LGSN: variants seen among roughly 807,000 people sequenced by gnomAD.
The protein encoded by LGSN is lengsin, lens protein with glutamine synthetase domain.
In LGSN, 21 loss-of-function variants were observed where a neutral mutation model predicts 19.5. That is an observed-to-expected ratio of 1.07 (90% CI 0.76 to 1.55). The LOEUF (loss-of-function observed/expected upper bound fraction) is 1.55, where lower values mean the gene tolerates loss of function less well. LGSN is among the 40% of genes most tolerant of loss of function. The pLI is 0.00. For synonymous variants in LGSN, 257 were observed against 215.6 expected, an observed-to-expected ratio of 1.19 and a Z score of -1.68; for missense variants, 673 against 608.5, an observed-to-expected ratio of 1.11 and a Z score of -1.12.
chr6:63,497,346 C>A, the LGSN span, among the ~76,000 whole-genome samples: 2 of 151,946 alleles, frequency 1.3e-5, no homozygotes, highest in African/African-American at 4.8e-5. Flanking sequence ...GCCAGGAGTT[C>A]GAGACCAGCC....
At chr6:63,316,260 T>A (rs1223616623) in intron 1 of LGSN, among the ~76,000 whole-genome samples, 2 of 152,148 alleles carry the variant, frequency 1.3e-5, no homozygotes, top group Non-Finnish European at 1.5e-5. Context: ...GAGAGCTCTG[T>A]GTGAAAGAAG....
the LGSN span, among the ~76,000 whole-genome samples, chr6:63,421,047 A>G: frequency 2.3e-5 from 1 of 44,076 alleles, no homozygotes; most frequent in South Asian, 9.2e-4. Context: ...TGAGTCAGGT[A>G]AAAAAAATGA....
chr6:63,430,091 G>T, the LGSN span, among the ~76,000 whole-genome samples: 1 of 152,288 alleles, frequency 6.6e-6, no homozygotes. Context: ...CTTCTGGTCA[G>T]GTCAAACAAG....
the LGSN span, among the ~76,000 whole-genome samples, chr6:63,383,207 C>A: frequency 1.3e-5 from 2 of 152,106 alleles, no homozygotes; most frequent in Non-Finnish European, 2.9e-5. Flanking sequence ...AAGCAATTCT[C>A]CTTCCTCAGC....
At chr6:63,434,057 A>C in the LGSN span, among the ~76,000 whole-genome samples, 4 of 152,202 alleles carry the variant, frequency 2.6e-5, no homozygotes, top group Admixed American at 6.5e-5. Flanking sequence ...ACTAGGAACC[A>C]TTACCACACT....
chr6:63,356,560 G>GA, the LGSN span, among the ~76,000 whole-genome samples: 1 of 151,796 alleles, frequency 6.6e-6, no homozygotes, highest in South Asian at 2.1e-4. Flanking sequence ...TAAAAAATAA[G>GA]AAAAATAAAA....
the LGSN span, among the ~76,000 whole-genome samples, chr6:63,435,255 A>G: frequency 3.0e-3 from 450 of 152,350 alleles, 2 homozygotes; most frequent in Middle Eastern, 0.01. Context: ...CTCTTTTCAG[A>G]TCAACCTTGT....
At chr6:63,500,740 T>C in the LGSN span, among the ~76,000 whole-genome samples, 3 of 150,478 alleles carry the variant, frequency 2.0e-5, no homozygotes, top group Non-Finnish European at 4.4e-5. Flanking sequence ...TTTTTTTTTC[T>C]TTTTTGAGAC....
At chr6:63,535,254 CAGG>C in the LGSN span, among the ~76,000 whole-genome samples, 2 of 152,010 alleles carry the variant, frequency 1.3e-5, no homozygotes, top group African/African-American at 4.8e-5. Flanking sequence ...CACTTGAGGC[CAGG>C]AGTTTGAGAC....
At chr6:63,480,100 T>A in the LGSN span, 1 of 183,644 alleles carries the variant, frequency 5.4e-6, no homozygotes, top group Admixed American at 5.4e-5. Flanking sequence ...TCCTTCCTTT[T>A]GCTGCTACCC....
the LGSN span, among the ~76,000 whole-genome samples, chr6:63,538,776 T>C: frequency 6.6e-6 from 1 of 152,218 alleles, no homozygotes; most frequent in African/African-American, 2.4e-5. Context: ...ACCTCCAGAG[T>C]TCTGATTCCA....
At chr6:63,502,765 A>T in the LGSN span, among the ~76,000 whole-genome samples, 1 of 152,190 alleles carries the variant, frequency 6.6e-6, no homozygotes, top group African/African-American at 2.4e-5. Context: ...TACAATTCTC[A>T]CTTCTGGGAG....
the LGSN span, among the ~76,000 whole-genome samples, chr6:63,508,912 T>A: frequency 8.3e-6 from 1 of 120,848 alleles, no homozygotes; most frequent in Non-Finnish European, 1.6e-5. Context: ...AGAGCAAAAC[T>A]CTGTCTCAAA....
At chr6:63,301,623 A>C (rs1330607307) in intron 1 of LGSN, among the ~76,000 whole-genome samples, 1 of 152,112 alleles carries the variant, frequency 6.6e-6, no homozygotes, top group African/African-American at 2.4e-5. Flanking sequence ...ACTAACACAA[A>C]AGTAAAATTC....
chr6:63,458,309 C>T, the LGSN span, among the ~76,000 whole-genome samples: 2 of 152,158 alleles, frequency 1.3e-5, no homozygotes, highest in East Asian at 3.9e-4. Context: ...TCAGGTGATC[C>T]ACCCACCTCG....
chr6:63,285,678 A>G lies in LGSN; in HGVS notation c.239T>C (p.Met80Thr). Residue 80 changes from methionine (M) to threonine (T), a missense_variant, in exon 3 of 4, where the codon ATG (methionine) becomes ACG (threonine). By Grantham distance (81) the Met-to-Thr change is moderately conservative (BLOSUM62 -1). Coordinates refer to ENST00000370657, the MANE Select transcript of LGSN (RefSeq NM_016571.3). ...SSRMKHIRQAMAKNRLQFVRF... is the reference protein window; with the variant it reads ...SSRMKHIRQATAKNRLQFVRF... Reference sequence around the variant, plus strand: ...TACAAACTGGAGGCGATTTTTGGCCATGGCTTGTCTAATGTGTTTCATTCT... The same window carrying G: ...TACAAACTGGAGGCGATTTTTGGCCGTGGCTTGTCTAATGTGTTTCATTCT... 1.2e-6 allele frequency: 2 copies of G among 1,614,042 alleles called. No homozygotes were observed. The highest frequency in any genetic ancestry group is 1.3e-5 in the African/African-American group (1 of 75,014).
chr6:63,312,308 ATATAT>A (rs1159842800), intron 1 of LGSN, among the ~76,000 whole-genome samples: 1 of 152,208 alleles, frequency 6.6e-6, no homozygotes, highest in African/African-American at 2.4e-5. Context: ...CCCTTTGGAT[ATATAT>A]CCAGTAGTGG....
chr6:63,302,946 G>A (rs907459857), intron 1 of LGSN, among the ~76,000 whole-genome samples: 1 of 152,054 alleles, frequency 6.6e-6, no homozygotes, highest in East Asian at 1.9e-4. Context: ...GGCCAATATA[G>A]TGAGACCCCC....
the LGSN span, among the ~76,000 whole-genome samples, chr6:63,465,082 CCATGCTCTTGTGGTTATT>C: frequency 1.3e-5 from 2 of 151,884 alleles, no homozygotes; most frequent in Non-Finnish European, 2.9e-5. Context: ...ATTACCCACC[CCATGCTCTTGTGGTTATT>C]CAAGTCCTAT....
Sources: gnomAD v4.1 joint callset for allele counts (sites outside exome capture counted in the v4.1 genomes callset) on GRCh38, gnomAD v4.1.1 for gene constraint, MANE v1.5 for transcripts, NCBI Gene and HGNC (gene_info 2026-07-23, HGNC 2026-07-21) for gene names.